NRXN3: variants seen among roughly 807,000 people sequenced by gnomAD.
NRXN3 encodes the protein neurexin III.
NRXN3 carries 32 observed loss-of-function variants against 137.6 expected under a neutral mutation model. The observed-to-expected ratio is 0.23, with a 90% CI of 0.18 to 0.31. The LOEUF is 0.31. Among genes scored for constraint, NRXN3 ranks in the 10% least tolerant of loss-of-function variants. The pLI is 1.00. For synonymous variants in NRXN3, 798 were observed against 784.5 expected (o/e 1.02, Z -0.29); for missense variants, 1,574 against 2,062.5 (o/e 0.76, Z 4.59).
chr14:79,432,735 AG>A (rs1342205668), intron 15 of NRXN3, among the ~76,000 whole-genome samples: 2 of 152,212 alleles, frequency 1.3e-5, no homozygotes, highest in East Asian at 3.9e-4. Flanking sequence ...TTTCAGGGAT[AG>A]AAATTTAAAA....
chr14:78,263,548 T>G (rs2071146056), intron 2 of NRXN3, among the ~76,000 whole-genome samples: 2 of 152,138 alleles, frequency 1.3e-5, no homozygotes, highest in Admixed American at 6.5e-5. Flanking sequence ...TCATTTTTTC[T>G]TCAGCACAGT....
intron 15 of NRXN3, among the ~76,000 whole-genome samples, chr14:79,178,228 C>CA (rs2062555213): frequency 6.6e-6 from 1 of 152,222 alleles, no homozygotes; most frequent in Non-Finnish European, 1.5e-5. Context: ...CTTTGAGAAA[C>CA]ACTGCTCTGT....
chr14:78,823,026 C>G (rs75813305), intron 10 of NRXN3, among the ~76,000 whole-genome samples: 15 of 152,188 alleles, frequency 9.9e-5, no homozygotes, highest in African/African-American at 3.6e-4. Flanking sequence ...GTGCCCCATG[C>G]TTGCCATAAC....
rs1052226597 is a variant in NRXN3, at chr14:78,613,587, T to G, written c.758-31533T>G. 7.5e-5 allele frequency among the ~76,000 whole-genome samples: 10 copies of G among 133,992 alleles called. No individual in the cohort carries two copies. In the East Asian group the frequency reaches 9.9e-4, roughly 13 times the overall value. The allele number at this position is 133,992 out of a possible 152,430, so 87.9% of individuals were successfully genotyped here. A position where few individuals can be genotyped will look rare whatever the true frequency, so the allele number is the denominator to read the frequency against. ...CTGTCTCACAACCATAGTTTTTTTT[T>G]TTTTTTTTTTTTTTTTCCCTTGGAA... On this transcript the variant is annotated intron_variant, in intron 4 of 20. Coordinates refer to ENST00000335750, the MANE Select transcript of NRXN3 (RefSeq NM_001330195.2).
chr14:78,866,052 A>C (rs2152547146), intron 10 of NRXN3, among the ~76,000 whole-genome samples: 1 of 152,314 alleles, frequency 6.6e-6, no homozygotes, highest in East Asian at 1.9e-4. Flanking sequence ...AAAGACTGAA[A>C]CTAATCAGGT....
At chr14:78,275,940 C>T (rs1252733916) in intron 2 of NRXN3, among the ~76,000 whole-genome samples, 1 of 152,168 alleles carries the variant, frequency 6.6e-6, no homozygotes. Context: ...CTTACCTTTG[C>T]CATTTCGTTC....
intron 11 of NRXN3, among the ~76,000 whole-genome samples, chr14:78,960,752 A>G (rs1281434790): frequency 6.6e-6 from 1 of 152,172 alleles, no homozygotes; most frequent in South Asian, 2.1e-4. Flanking sequence ...TAGTAGAAAA[A>G]TTTGACTACA....
intron 15 of NRXN3, among the ~76,000 whole-genome samples, chr14:79,455,339 G>A (rs1270782834): frequency 6.6e-6 from 1 of 152,164 alleles, no homozygotes; most frequent in Non-Finnish European, 1.5e-5. Flanking sequence ...TGAAAGTTAG[G>A]ATTTCAACAT....
intron 1 of NRXN3, among the ~76,000 whole-genome samples, chr14:78,205,043 T>A (rs554606169): frequency 1.3e-5 from 2 of 152,302 alleles, no homozygotes; most frequent in South Asian, 4.1e-4. Context: ...GCACAGGTAG[T>A]GCAGGAGAAA....
intron 15 of NRXN3, among the ~76,000 whole-genome samples, chr14:79,114,871 T>C (rs1171292480): frequency 6.6e-6 from 1 of 152,092 alleles, no homozygotes; most frequent in East Asian, 1.9e-4. Flanking sequence ...ACCTCTCTCT[T>C]GTCGACCTCA....
chr14:78,526,794 A>C, intron 4 of NRXN3: 1 of 516,556 alleles, frequency 1.9e-6, no homozygotes, highest in Non-Finnish European at 3.9e-6. Flanking sequence ...AGTGAAATAA[A>C]CAGCGATGAA....
At chr14:78,636,617 CG>C (rs781704499) in intron 4 of NRXN3, among the ~76,000 whole-genome samples, 2 of 152,078 alleles carry the variant, frequency 1.3e-5, no homozygotes, top group East Asian at 1.9e-4. Flanking sequence ...CTCTGTAAGA[CG>C]GAGTGCACTA....
chr14:79,667,034 C>G (rs900509541), intron 17 of NRXN3, among the ~76,000 whole-genome samples: 1 of 151,926 alleles, frequency 6.6e-6, no homozygotes, highest in African/African-American at 2.4e-5. Flanking sequence ...TTTCTCTCCT[C>G]TCTGCTTCCC....
chr14:78,617,088 A>G (rs1405449432), intron 4 of NRXN3, among the ~76,000 whole-genome samples: 1 of 152,136 alleles, frequency 6.6e-6, no homozygotes, highest in Non-Finnish European at 1.5e-5. Context: ...CTGAGTGAGG[A>G]AGCAGCTTGG....
intron 15 of NRXN3, among the ~76,000 whole-genome samples, chr14:79,395,131 C>G (rs920183838): frequency 2.6e-5 from 4 of 152,146 alleles, no homozygotes; most frequent in Non-Finnish European, 4.4e-5. Flanking sequence ...GAGCATTGTG[C>G]TAATTGCTGT....
At chr14:79,722,656 A>T (rs1481322141) in intron 19 of NRXN3, among the ~76,000 whole-genome samples, 1 of 152,086 alleles carries the variant, frequency 6.6e-6, no homozygotes, top group Non-Finnish European at 1.5e-5. Flanking sequence ...TGCCTCTCCC[A>T]TGTGTTTCCA....
In NRXN3 at chr14:79,180,046, G is replaced by A. The variant is rs564152822; in HGVS notation, c.3262+191905G>A. On this transcript the variant is annotated intron_variant, in intron 15 of 20. Transcript: ENST00000335750. ...CTTTCTCTTCTAGTAAAATGTATAG[G>A]TTGCTGTAATAGCCTGTGTCTGCCC... 2.0e-4 allele frequency among the ~76,000 whole-genome samples: 30 copies of A among 152,218 alleles called. 1 individual carries two copies. The South Asian group carries it at 6.2e-3, about 32-fold the overall frequency.
chr14:78,467,035 T>A (rs2095127934), intron 4 of NRXN3, among the ~76,000 whole-genome samples: 1 of 152,170 alleles, frequency 6.6e-6, no homozygotes, highest in Non-Finnish European at 1.5e-5. Flanking sequence ...ACCTATAAGC[T>A]CTCTCTTTGA....
intron 15 of NRXN3, among the ~76,000 whole-genome samples, chr14:79,290,286 G>A (rs948087946): frequency 6.6e-6 from 1 of 152,132 alleles, no homozygotes; most frequent in African/African-American, 2.4e-5. Flanking sequence ...AATGAACTCG[G>A]GGTGAGCCAC....
Sources: gnomAD v4.1 joint callset for allele counts (sites outside exome capture counted in the v4.1 genomes callset) on GRCh38, gnomAD v4.1.1 for gene constraint, MANE v1.5 for transcripts, NCBI Gene and HGNC (gene_info 2026-07-23, HGNC 2026-07-21) for gene names.